The following TENM1 variants were observed in gnomAD, a reference collection of about 807,000 sequenced individuals.
The protein encoded by TENM1 is teneurin-1.
TENM1 carries 35 observed loss-of-function variants against 174.8 expected under a neutral mutation model. That is an observed-to-expected ratio of 0.20 (90% CI 0.15 to 0.27). The LOEUF (loss-of-function observed/expected upper bound fraction) is 0.27, where lower values mean the gene tolerates loss of function less well. TENM1 is among the 10% of genes least tolerant of loss of function. The pLI is 1.00. For synonymous variants in TENM1, 781 were observed against 798.7 expected, an observed-to-expected ratio of 0.98 and a Z score of 0.37; for missense variants, 1,633 against 2,130.1, an observed-to-expected ratio of 0.77 and a Z score of 4.59.
intron 1 of TENM1, among the ~76,000 whole-genome samples, chrX:124,914,465 T>C (rs1229721277): frequency 1.8e-5 from 2 of 111,479 alleles, no homozygotes. Flanking sequence ...GAGTTTAGAC[T>C]CCAGTACTGT....
At chrX:124,674,303 C>CAAAAAAAAAAAAA (rs745969451) in intron 5 of TENM1, among the ~76,000 whole-genome samples, 1 of 16,621 alleles carries the variant, frequency 6.0e-5, no homozygotes, top group Non-Finnish European at 1.2e-4. Flanking sequence ...TATCAAAAGG[C>CAAAAAAAAAAAAA]AAAAAAAAAA....
chrX:124,480,109 A>G (rs1299387108), intron 22 of TENM1, among the ~76,000 whole-genome samples: 1 of 111,781 alleles, frequency 8.9e-6, no homozygotes, highest in Non-Finnish European at 1.9e-5. Flanking sequence ...TGGGTCCCAC[A>G]CTATGCTAGA....
At chrX:125,101,140 T>C in the TENM1 span, among the ~76,000 whole-genome samples, 1 of 112,228 alleles carries the variant, frequency 8.9e-6, no homozygotes, top group African/African-American at 3.2e-5. Flanking sequence ...AGATATTCTC[T>C]TTCTAAGGTC....
chrX:125,161,382 T>C, the TENM1 span, among the ~76,000 whole-genome samples: 1 of 112,192 alleles, frequency 8.9e-6, no homozygotes, highest in South Asian at 3.6e-4. Context: ...TTACTGTTTT[T>C]TTTCTAATAT....
At chrX:125,183,086 T>C in the TENM1 span, among the ~76,000 whole-genome samples, 1 of 112,400 alleles carries the variant, frequency 8.9e-6, no homozygotes, top group Non-Finnish European at 1.9e-5. Flanking sequence ...TTCTAAAATA[T>C]TATGATTCAT....
At chrX:125,041,934 A>AAATT in the TENM1 span, among the ~76,000 whole-genome samples, 2 of 111,883 alleles carry the variant, frequency 1.8e-5, no homozygotes, top group Non-Finnish European at 3.8e-5. Context: ...AAAAAATTGA[A>AAATT]GAAGACATAA....
At chrX:124,877,666 A>G (rs925996678) in intron 3 of TENM1, among the ~76,000 whole-genome samples, 1 of 111,231 alleles carries the variant, frequency 9.0e-6, no homozygotes, top group Non-Finnish European at 1.9e-5. Context: ...CCATTCATAG[A>G]ACTTCTTGGA....
intron 5 of TENM1, among the ~76,000 whole-genome samples, chrX:124,697,856 A>G (rs1319610105): frequency 9.0e-6 from 1 of 111,581 alleles, no homozygotes; most frequent in Non-Finnish European, 1.9e-5. Context: ...CTACTTTTGC[A>G]TGTAAATTCT....
At chrX:124,550,645 C>G (rs1180673540) in intron 14 of TENM1, among the ~76,000 whole-genome samples, 2 of 111,871 alleles carry the variant, frequency 1.8e-5, no homozygotes, top group Admixed American at 1.9e-4. Context: ...ATTACTAGTA[C>G]TGATCTAGGC....
intron 3 of TENM1, among the ~76,000 whole-genome samples, chrX:124,744,823 C>T (rs150163143): frequency 9.0e-6 from 1 of 111,161 alleles, no homozygotes; most frequent in African/African-American, 3.3e-5. Flanking sequence ...ATTTTCAGGG[C>T]TTTATTTTTA....
rs201781219 is a variant in TENM1, at chrX:124,614,564, TA to T, written c.2077+27226del. Among the ~76,000 whole-genome samples, 397 of 112,277 alleles carry T rather than the reference TA, an allele frequency of 3.5e-3. 1 individual carries two copies. Among genetic ancestry groups the T allele is most frequent in the African/African-American group, 0.012 (365 of 30,986 alleles). ...GGTTTATTCAAGCTAGAAGTGGGGT[TA>T]CCCAGACAACATTTTAGAAGTACTG... On this transcript the variant is annotated intron_variant, in intron 11 of 31. Coordinates refer to ENST00000422452, the Ensembl canonical transcript of TENM1.
intron 23 of TENM1, among the ~76,000 whole-genome samples, chrX:124,452,521 G>C (rs2061051078): frequency 9.0e-6 from 1 of 111,373 alleles, no homozygotes; most frequent in Non-Finnish European, 1.9e-5. Flanking sequence ...CCATTACTGG[G>C]TATATACCCA....
chrX:124,636,523 C>T (rs1424558871), intron 11 of TENM1, among the ~76,000 whole-genome samples: 1 of 111,838 alleles, frequency 8.9e-6, no homozygotes, highest in Non-Finnish European at 1.9e-5. Flanking sequence ...TGGTCCAGAC[C>T]TCTGTACAAA....
the TENM1 span, among the ~76,000 whole-genome samples, chrX:124,969,534 T>C: frequency 2.7e-5 from 3 of 112,530 alleles, no homozygotes; most frequent in African/African-American, 9.7e-5. Context: ...ATAAAGCAGT[T>C]ATCAGGTACC....
chrX:124,409,890 A>T lies in TENM1; in HGVS notation c.4983-3401T>A, dbSNP rs1356644268. On this transcript the variant is annotated intron_variant, in intron 25 of 31. Coordinates refer to ENST00000422452, the Ensembl canonical transcript of TENM1. ...AAAGAGGATACAAACAAATGGAAGA[A>T]CATTCCACGCTCATGGGTAGGAAGA... Among the ~76,000 whole-genome samples, 4 of 110,797 alleles carry T rather than the reference A, an allele frequency of 3.6e-5. No individual in the cohort carries two copies. The East Asian group carries it at 1.1e-3, about 31-fold the overall frequency.
At chrX:124,588,551 G>A (rs909471299) in intron 11 of TENM1, among the ~76,000 whole-genome samples, 50 of 108,201 alleles carry the variant, frequency 4.6e-4, no homozygotes, top group African/African-American at 1.6e-3. Flanking sequence ...GTGGGGTGGG[G>A]GGAGTGGGGA....
intron 3 of TENM1, among the ~76,000 whole-genome samples, chrX:124,751,372 A>C (rs989661662): frequency 8.9e-6 from 1 of 111,824 alleles, no homozygotes; most frequent in Admixed American, 9.5e-5. Context: ...CTCTAAATAC[A>C]TGTTAGATTA....
intron 11 of TENM1, among the ~76,000 whole-genome samples, chrX:124,639,325 C>T (rs2050955023): frequency 9.0e-6 from 1 of 111,636 alleles, no homozygotes; most frequent in Admixed American, 9.5e-5. Flanking sequence ...AATGTTCGTT[C>T]CTCTCTTGTC....
At chrX:125,053,038 T>G in the TENM1 span, among the ~76,000 whole-genome samples, 3 of 112,136 alleles carry the variant, frequency 2.7e-5, no homozygotes, top group African/African-American at 6.5e-5. Context: ...TATTTGTAAT[T>G]AAAACATTTT....
Sources: gnomAD v4.1 joint callset for allele counts (sites outside exome capture counted in the v4.1 genomes callset) on GRCh38, gnomAD v4.1.1 for gene constraint, MANE v1.5 for transcripts, NCBI Gene and HGNC (gene_info 2026-07-23, HGNC 2026-07-21) for gene names.